The following CDH13 variants were observed in gnomAD, a reference collection of about 807,000 sequenced individuals.
CDH13 encodes the protein cadherin 13.
Under a neutral mutation model 63.8 loss-of-function variants are expected in CDH13, and 24 were observed. The ratio of observed to expected loss-of-function variants is 0.38; its 90% CI spans 0.27 to 0.53. The LOEUF is 0.53. Ranked by LOEUF, CDH13 falls within the 20% of genes least tolerant of loss-of-function variation. CDH13 has a pLI of 0.85. For missense variants in CDH13, 1,049 were observed against 903.1 expected, an observed-to-expected ratio of 1.16 and a Z score of -2.07; for synonymous variants, 503 against 355.3, an observed-to-expected ratio of 1.42 and a Z score of -4.67.
chr16:83,274,516 TTATC>T (rs1038574828), intron 5 of CDH13, among the ~76,000 whole-genome samples: 1 of 152,148 alleles, frequency 6.6e-6, no homozygotes, highest in African/African-American at 2.4e-5. Flanking sequence ...CTTTGTGAGG[TTATC>T]TGATTAGTGT....
At chr16:82,739,709 C>A (rs192418675) in intron 1 of CDH13, among the ~76,000 whole-genome samples, 71 of 152,172 alleles carry the variant, frequency 4.7e-4, no homozygotes, top group Admixed American at 3.9e-3. Context: ...AAGGAAAATA[C>A]GATGACACTC....
chr16:83,494,659 A>G (rs901248558), intron 7 of CDH13, among the ~76,000 whole-genome samples: 3 of 152,212 alleles, frequency 2.0e-5, no homozygotes, highest in Admixed American at 6.5e-5. Flanking sequence ...CAGCTGCAAT[A>G]TGATTCCACT....
intron 1 of CDH13, among the ~76,000 whole-genome samples, chr16:82,637,130 C>A (rs1416670423): frequency 6.6e-6 from 1 of 152,140 alleles, no homozygotes; most frequent in Non-Finnish European, 1.5e-5. Context: ...GACCTTTGGC[C>A]AGGATCCTAC....
chr16:83,316,675 G>C (rs943464834), intron 5 of CDH13, among the ~76,000 whole-genome samples: 3 of 152,210 alleles, frequency 2.0e-5, no homozygotes, highest in Non-Finnish European at 4.4e-5. Flanking sequence ...TCTATGCAGA[G>C]TTTAATGTTA....
intron 7 of CDH13, among the ~76,000 whole-genome samples, chr16:83,519,678 C>G (rs760039601): frequency 6.6e-6 from 1 of 152,006 alleles, no homozygotes; most frequent in Non-Finnish European, 1.5e-5. Flanking sequence ...TTTTATAGAG[C>G]CTAAAATATT....
intron 1 of CDH13, among the ~76,000 whole-genome samples, chr16:82,767,601 G>A (rs2035103592): frequency 6.6e-6 from 1 of 152,178 alleles, no homozygotes; most frequent in Non-Finnish European, 1.5e-5. Flanking sequence ...AACTTCCCCA[G>A]CATAGTGCCT....
At chr16:83,670,285 G>T (rs192042679) in intron 8 of CDH13, among the ~76,000 whole-genome samples, 323 of 152,294 alleles carry the variant, frequency 2.1e-3, no homozygotes, top group African/African-American at 7.6e-3. Flanking sequence ...TTTTGGGGAG[G>T]CAAGGCTGCG....
chr16:83,472,324 C>G (rs1240585067), intron 6 of CDH13, among the ~76,000 whole-genome samples: 1 of 152,182 alleles, frequency 6.6e-6, no homozygotes, highest in African/African-American at 2.4e-5. Context: ...TTATGTTAGA[C>G]GGTGCCCTGT....
intron 8 of CDH13, among the ~76,000 whole-genome samples, chr16:83,608,762 C>A (rs1598363648): frequency 6.6e-6 from 1 of 151,548 alleles, no homozygotes; most frequent in African/African-American, 2.4e-5. Context: ...CCCACCTAAG[C>A]TTCCCAAAGT....
At chr16:83,241,742 ATCCGATATATG>A (rs1402545511) in intron 5 of CDH13, among the ~76,000 whole-genome samples, 1 of 152,108 alleles carries the variant, frequency 6.6e-6, no homozygotes, top group African/African-American at 2.4e-5. Flanking sequence ...TTAACCCCTT[ATCCGATATATG>A]TCTTGCAAAG....
intron 2 of CDH13, among the ~76,000 whole-genome samples, chr16:82,865,864 C>A (rs1310130820): frequency 6.6e-6 from 1 of 152,286 alleles, no homozygotes; most frequent in Non-Finnish European, 1.5e-5. Flanking sequence ...TTATGCTGTG[C>A]TTCCCTTTTA....
chr16:83,653,510 A>C (rs1567485268), intron 8 of CDH13, among the ~76,000 whole-genome samples: 1 of 152,098 alleles, frequency 6.6e-6, no homozygotes, highest in Non-Finnish European at 1.5e-5. Context: ...TAGGGAAAAA[A>C]AACTCACAAA....
At chr16:83,724,165 T>C (rs907924730) in intron 10 of CDH13, among the ~76,000 whole-genome samples, 1 of 150,290 alleles carries the variant, frequency 6.7e-6, no homozygotes, top group African/African-American at 2.5e-5. Flanking sequence ...GGGTGATGAA[T>C]ACATGGGTGA....
chr16:82,777,915 C>T (rs1441627326), intron 1 of CDH13, among the ~76,000 whole-genome samples: 3 of 152,250 alleles, frequency 2.0e-5, no homozygotes, highest in African/African-American at 4.8e-5. Context: ...CAACTTGATT[C>T]GTCAGAGAAA....
In CDH13 at chr16:83,645,537, G is replaced by GC. The variant is rs10609121; in HGVS notation, c.1102-25244dup. ...ACCCATATAACAAACATGCACACAT[G>GC]CCCCCCCCCAATCTAAAATAAAATA... On this transcript the variant is annotated intron_variant, in intron 8 of 13. Coordinates refer to ENST00000567109, the MANE Select transcript of CDH13 (RefSeq NM_001257.5). 2.5e-4 allele frequency among the ~76,000 whole-genome samples: 38 copies of GC among 151,256 alleles called. No homozygotes were observed. The East Asian group carries it at 3.5e-3, about 14-fold the overall frequency.
chr16:82,658,393 T>A (rs1002943442), intron 1 of CDH13, among the ~76,000 whole-genome samples: 1 of 152,168 alleles, frequency 6.6e-6, no homozygotes, highest in Non-Finnish European at 1.5e-5. Flanking sequence ...ATAACATCAA[T>A]TGATTCTTAA....
At chr16:83,433,609 A>G (rs2072195704) in intron 6 of CDH13, among the ~76,000 whole-genome samples, 1 of 152,164 alleles carries the variant, frequency 6.6e-6, no homozygotes, top group Admixed American at 6.5e-5. Flanking sequence ...GGTTTCTCCT[A>G]TTGACTCAGG....
intron 3 of CDH13, among the ~76,000 whole-genome samples, chr16:83,062,253 A>G (rs1322228138): frequency 6.6e-6 from 1 of 152,172 alleles, no homozygotes; most frequent in Non-Finnish European, 1.5e-5. Flanking sequence ...ACCCCCTGTC[A>G]GTTTTCTATC....
chr16:83,744,565 C>A (rs1297832300), intron 10 of CDH13, among the ~76,000 whole-genome samples: 1 of 152,200 alleles, frequency 6.6e-6, no homozygotes, highest in Non-Finnish European at 1.5e-5. Flanking sequence ...AACATTGTTC[C>A]CCTAGGCTCT....
Sources: allele counts gnomAD v4.1 joint callset (sites outside exome capture counted in the v4.1 genomes callset), GRCh38; gene constraint gnomAD v4.1.1; transcripts MANE v1.5; gene names NCBI Gene and HGNC (gene_info 2026-07-23, HGNC 2026-07-21).